Variants in PTDSS1 observed in about 807,000 individuals in gnomAD.
PTDSS1 encodes PSS-1.
In PTDSS1, 45 loss-of-function variants were observed where a neutral mutation model predicts 70.5. That is an observed-to-expected ratio of 0.64 (90% CI 0.50 to 0.82). PTDSS1 has a LOEUF of 0.82. Ranked by LOEUF, PTDSS1 falls within the 40% of genes least tolerant of loss-of-function variation. PTDSS1 has a pLI of 0.00. For missense variants in PTDSS1, 417 were observed against 586.1 expected (o/e 0.71, Z 2.98); for synonymous variants, 188 against 203.8 (o/e 0.92, Z 0.66).
At chr8:96,309,383 C>T (rs975989299) in intron 8 of PTDSS1, 174 bp from the exon 9 acceptor site, 3 of 518,240 alleles carry the variant, frequency 5.8e-6, no homozygotes, top group Non-Finnish European at 1.0e-5. Context: ...CGCTGAATCT[C>T]TTACAGGAAT....
intron 4 of PTDSS1, among the ~76,000 whole-genome samples, chr8:96,291,151 G>T (rs1810897147): frequency 6.6e-6 from 1 of 152,070 alleles, no homozygotes; most frequent in Non-Finnish European, 1.5e-5. Flanking sequence ...CCATGCTGGT[G>T]GGAGTGGGGG....
chr8:96,330,869 T>G, intron 11 of PTDSS1, 157 bp from the exon 12 acceptor site: 1 of 604,624 alleles, frequency 1.7e-6, no homozygotes, highest in South Asian at 2.1e-5. Flanking sequence ...AACCTTGTTT[T>G]TATAGCAGAG....
Position 96,335,135 on chromosome 8 carries a change from T to C in PTDSS1, c.*1569T>C, listed in dbSNP as rs1245122293. ...GTGAGGGATTTGGCTGTGATGAGCC[T>C]CAGCTCCGAGCTCTCAAATGTCCTC... On this transcript the variant is annotated 3_prime_UTR_variant, in exon 13 of 13. Coordinates refer to ENST00000517309, the MANE Select transcript of PTDSS1 (RefSeq NM_014754.3). The C allele has an allele frequency of 6.6e-6, 1 of 152,160 alleles. No individual in the cohort carries two copies. The highest frequency in any genetic ancestry group is 1.5e-5 in the Non-Finnish European group (1 of 68,042). 9.4% of individuals were successfully genotyped at this position (152,160 alleles called of 1,614,324 possible).
At chr8:96,332,088 G>T (rs1294611725) in intron 12 of PTDSS1, among the ~76,000 whole-genome samples, 2 of 148,214 alleles carry the variant, frequency 1.3e-5, no homozygotes, top group African/African-American at 2.5e-5. Flanking sequence ...AAAAGAGGGG[G>T]ATCATTTTAA....
intron 6 of PTDSS1, among the ~76,000 whole-genome samples, chr8:96,300,293 T>C (rs1490495987): frequency 6.6e-6 from 1 of 152,156 alleles, no homozygotes. Context: ...TTGGTCATGG[T>C]CAATACATCC....
chr8:96,329,890 A>G (rs1274251919), intron 10 of PTDSS1, among the ~76,000 whole-genome samples: 1 of 152,170 alleles, frequency 6.6e-6, no homozygotes, highest in Non-Finnish European at 1.5e-5. Context: ...AGAACATAGA[A>G]TCCTCTCTAT....
chr8:96,315,600 C>G (rs184921722), intron 9 of PTDSS1, among the ~76,000 whole-genome samples: 69 of 152,274 alleles, frequency 4.5e-4, no homozygotes, highest in Admixed American at 2.5e-3. Context: ...TTTTTTCCCA[C>G]ATTGTGGAAC....
intron 6 of PTDSS1, among the ~76,000 whole-genome samples, chr8:96,301,412 CT>C (rs1174997970): frequency 6.6e-6 from 1 of 151,542 alleles, no homozygotes; most frequent in Non-Finnish European, 1.5e-5. Flanking sequence ...CCCTTTTAAA[CT>C]AGTTTGTGGT....
At chr8:96,332,023 A>T (rs1385844076) in intron 12 of PTDSS1, among the ~76,000 whole-genome samples, 1 of 116,864 alleles carries the variant, frequency 8.6e-6, no homozygotes, top group African/African-American at 3.4e-5. Flanking sequence ...CTCTTAAAAA[A>T]AAAAAAAAAA....
intron 5 of PTDSS1, among the ~76,000 whole-genome samples, chr8:96,299,008 C>G (rs1053456797): frequency 4.6e-5 from 7 of 151,370 alleles, no homozygotes; most frequent in Admixed American, 6.6e-5. Context: ...CCACTGCACT[C>G]CAGCCTGGGC....
intron 10 of PTDSS1, among the ~76,000 whole-genome samples, chr8:96,328,385 C>T (rs1811468040): frequency 6.6e-6 from 1 of 152,228 alleles, no homozygotes; most frequent in African/African-American, 2.4e-5. Flanking sequence ...GAAAATGGCA[C>T]ACTTAACGTT....
In PTDSS1 at chr8:96,309,638, T is replaced by A; in HGVS notation, c.1073+16T>A. On this transcript the variant is annotated intron_variant, in intron 9 of 12. Coordinates refer to ENST00000517309, the MANE Select transcript of PTDSS1 (RefSeq NM_014754.3). ...GGGTGTTTGGGTGAGTAATCTGTTATTGTGGAGATTTAAAAACCACTTAAG... is the reference window on the plus strand; with the variant it reads ...GGGTGTTTGGGTGAGTAATCTGTTAATGTGGAGATTTAAAAACCACTTAAG... The A allele has an allele frequency of 6.2e-7, 1 of 1,613,620 alleles. No individual in the cohort carries two copies. The highest frequency in any genetic ancestry group is 1.3e-5 in the African/African-American group (1 of 75,046).
chr8:96,294,572 T>G (rs1218434615), intron 4 of PTDSS1, among the ~76,000 whole-genome samples: 1 of 152,158 alleles, frequency 6.6e-6, no homozygotes, highest in Non-Finnish European at 1.5e-5. Context: ...AGTTGGGTGC[T>G]TTTCTTCTTT....
In PTDSS1 at chr8:96,304,118, G is replaced by A; in HGVS notation, c.831G>A (p.Trp277Ter). The A allele has an allele frequency of 6.2e-7, 1 of 1,613,948 alleles. No homozygotes were observed. The highest frequency in any genetic ancestry group is 8.5e-7 in the Non-Finnish European group (1 of 1,179,932). Residue 277 changes from tryptophan (W) to a stop codon, truncating the protein, a stop_gained, in exon 7 of 13, where the codon TGG (tryptophan) becomes TGA (stop). Transcript: ENST00000517309. LOFTEE classifies it high-confidence loss of function. ...CTGCTAGCTGGACCTATGTTCGATGGTTTGACCCCAAATCTTCTTTTCAGA... is the reference window on the plus strand; with the variant it reads ...CTGCTAGCTGGACCTATGTTCGATGATTTGACCCCAAATCTTCTTTTCAGA... ...FTPASWTYVR[W>*]FDPKSSFQRV... is the part of the protein sequence containing the mutation.
intron 2 of PTDSS1, among the ~76,000 whole-genome samples, chr8:96,280,802 G>A (rs1315059472): frequency 6.6e-6 from 1 of 152,130 alleles, no homozygotes; most frequent in African/African-American, 2.4e-5. Context: ...GCACAGGTAA[G>A]GAGTAGGAAC....
intron 2 of PTDSS1, 97 bp downstream of exon 2, chr8:96,273,487 C>A: frequency 1.0e-6 from 1 of 977,674 alleles, no homozygotes; most frequent in South Asian, 1.7e-5. Flanking sequence ...AAGAAATAAT[C>A]TGAGTTTTGT....
intron 8 of PTDSS1, among the ~76,000 whole-genome samples, chr8:96,308,915 TC>T (rs1332493447): frequency 1.7e-4 from 26 of 152,158 alleles, no homozygotes; most frequent in Non-Finnish European, 2.4e-4. Context: ...TCAGTAACAT[TC>T]CAAGTCATTG....
At chr8:96,306,388 G>C (rs1275994367) in intron 7 of PTDSS1, 56 bp from the exon 8 acceptor site, 2 of 1,222,920 alleles carry the variant, frequency 1.6e-6, no homozygotes, top group Admixed American at 1.7e-5. Context: ...TTAAGGAATA[G>C]AGGATTTTGA....
intron 10 of PTDSS1, among the ~76,000 whole-genome samples, chr8:96,328,631 A>C (rs1811471349): frequency 6.6e-6 from 1 of 152,172 alleles, no homozygotes; most frequent in Non-Finnish European, 1.5e-5. Context: ...TCCTGCTTCC[A>C]CGTAACTGGC....
Sources: allele counts gnomAD v4.1 joint callset (sites outside exome capture counted in the v4.1 genomes callset), GRCh38; gene constraint gnomAD v4.1.1; transcripts MANE v1.5; gene names NCBI Gene and HGNC (gene_info 2026-07-23, HGNC 2026-07-21).